Variants in CCDC102B observed in about 807,000 individuals in gnomAD.
The protein encoded by CCDC102B is coiled-coil domain containing 102B.
Under a neutral mutation model 57.4 loss-of-function variants are expected in CCDC102B, and 75 were observed. The observed-to-expected ratio is 1.31, with a 90% CI of 1.08 to 1.58. CCDC102B has a LOEUF of 1.58. CCDC102B is among the 40% of genes most tolerant of loss of function. The pLI, the probability that CCDC102B is intolerant of heterozygous loss-of-function variation, is 0.00. For synonymous variants in CCDC102B, 206 were observed against 201.9 expected (o/e 1.02, Z -0.17); for missense variants, 636 against 582.6 (o/e 1.09, Z -0.94).
intron 7 of CCDC102B, among the ~76,000 whole-genome samples, chr18:69,042,881 T>G (rs1176039591): frequency 6.6e-6 from 1 of 152,082 alleles, no homozygotes; most frequent in Non-Finnish European, 1.5e-5. Flanking sequence ...TCCACACCTG[T>G]GGGTGTTTCT....
intron 1 of CCDC102B, among the ~76,000 whole-genome samples, chr18:68,833,281 G>T (rs2037222030): frequency 6.6e-6 from 1 of 151,738 alleles, no homozygotes; most frequent in Non-Finnish European, 1.5e-5. Flanking sequence ...TAATAGTACT[G>T]ACTATTCCAC....
chr18:68,766,696 A>G (rs2034480692), intron 2 of CCDC102B, among the ~76,000 whole-genome samples: 1 of 152,052 alleles, frequency 6.6e-6, no homozygotes, highest in Admixed American at 6.6e-5. Context: ...TTCATTTTGG[A>G]TACTTTGTTT....
chr18:68,745,168 T>G (rs901657150), intron 2 of CCDC102B, among the ~76,000 whole-genome samples: 2 of 151,950 alleles, frequency 1.3e-5, no homozygotes, highest in African/African-American at 2.4e-5. Context: ...TGAGAAGAAG[T>G]GGGGTGTGCT....
intron 7 of CCDC102B, among the ~76,000 whole-genome samples, chr18:69,033,301 T>C (rs2052197482): frequency 6.6e-6 from 1 of 152,138 alleles, no homozygotes; most frequent in Admixed American, 6.6e-5. Flanking sequence ...TAATACACCA[T>C]ACATTTTGCC....
At chr18:69,040,333 C>T (rs922524195) in intron 7 of CCDC102B, among the ~76,000 whole-genome samples, 2 of 149,904 alleles carry the variant, frequency 1.3e-5, no homozygotes, top group Non-Finnish European at 3.0e-5. Context: ...TTTTTGAATC[C>T]TTGAGGCACA....
intron 6 of CCDC102B, among the ~76,000 whole-genome samples, chr18:68,974,282 C>T (rs1338596843): frequency 1.3e-5 from 2 of 151,918 alleles, no homozygotes; most frequent in Non-Finnish European, 2.9e-5. Context: ...CATGTGAGGA[C>T]CCAGCGTTCC....
chr18:68,967,396 T>C (rs2050191360), intron 6 of CCDC102B, among the ~76,000 whole-genome samples: 1 of 152,166 alleles, frequency 6.6e-6, no homozygotes, highest in Non-Finnish European at 1.5e-5. Flanking sequence ...TTTTAAATAA[T>C]ATGTTTCAAG....
intron 4 of CCDC102B, among the ~76,000 whole-genome samples, chr18:68,872,065 G>C (rs1336230889): frequency 6.6e-6 from 1 of 152,072 alleles, no homozygotes; most frequent in East Asian, 1.9e-4. Context: ...GCATGTGAGA[G>C]AATAAAGAAC....
intron 2 of CCDC102B, among the ~76,000 whole-genome samples, chr18:68,716,941 G>T (rs1329519219): frequency 2.0e-5 from 3 of 152,124 alleles, no homozygotes; most frequent in Non-Finnish European, 4.4e-5. Context: ...AGCTGGGCGT[G>T]GTGGCAGACA....
chr18:68,748,205 G>GGTATGT (rs530957083), intron 2 of CCDC102B, among the ~76,000 whole-genome samples: 13,081 of 137,384 alleles, frequency 0.095, 1,054 homozygotes, highest in East Asian at 0.14. Context: ...TTATTAAACT[G>GGTATGT]GTGTGTGTGT....
chr18:68,988,661 T>C (rs1472108378), intron 6 of CCDC102B, among the ~76,000 whole-genome samples: 1 of 152,176 alleles, frequency 6.6e-6, no homozygotes, highest in East Asian at 1.9e-4. Flanking sequence ...ATGATATGGT[T>C]GAAAGTAAAA....
chr18:68,909,015 A>G (rs995840270), intron 6 of CCDC102B, among the ~76,000 whole-genome samples: 2 of 151,994 alleles, frequency 1.3e-5, no homozygotes, highest in South Asian at 2.1e-4. Context: ...CTTAAACTAG[A>G]CTATCCACAG....
intron 6 of CCDC102B, among the ~76,000 whole-genome samples, chr18:68,971,935 TCCTCCTCTCTATCC>T (rs762568256): frequency 6.6e-6 from 1 of 152,138 alleles, no homozygotes; most frequent in Non-Finnish European, 1.5e-5. Flanking sequence ...TCACTTCATC[TCCTCCTCTCTATCC>T]CCTTCAATGT....
chr18:68,903,528 G>C (rs2040522682), intron 6 of CCDC102B, among the ~76,000 whole-genome samples: 2 of 152,164 alleles, frequency 1.3e-5, no homozygotes, highest in East Asian at 3.8e-4. Context: ...GGCATAAATA[G>C]TATGATCTAT....
intron 6 of CCDC102B, among the ~76,000 whole-genome samples, chr18:68,930,274 A>G: frequency 6.7e-6 from 1 of 149,338 alleles, no homozygotes; most frequent in Non-Finnish European, 1.5e-5. Flanking sequence ...TATATTATAC[A>G]TTATATGCAT....
chr18:68,728,161 AC>A (rs1373166935), intron 2 of CCDC102B, among the ~76,000 whole-genome samples: 1 of 152,154 alleles, frequency 6.6e-6, no homozygotes, highest in African/African-American at 2.4e-5. Context: ...GGCAATGTAT[AC>A]TACTGGACTC....
chr18:68,938,810 T>C (rs1221367379), intron 6 of CCDC102B, among the ~76,000 whole-genome samples: 1 of 151,700 alleles, frequency 6.6e-6, no homozygotes, highest in African/African-American at 2.4e-5. Flanking sequence ...TGGGAGAATA[T>C]AGAATCTATA....
intron 2 of CCDC102B, among the ~76,000 whole-genome samples, chr18:68,784,934 G>T (rs952740076): frequency 2.8e-4 from 42 of 151,148 alleles, no homozygotes; most frequent in African/African-American, 9.5e-4. Context: ...CCACCAACTC[G>T]TCATTTAGCA....
chr18:68,883,653 G>C (rs1259041397), intron 5 of CCDC102B, among the ~76,000 whole-genome samples: 1 of 152,194 alleles, frequency 6.6e-6, no homozygotes, highest in African/African-American at 2.4e-5. Flanking sequence ...CATTGTGCGT[G>C]CAACTGAGGG....
Sources: allele counts gnomAD v4.1 joint callset (sites outside exome capture counted in the v4.1 genomes callset), GRCh38; gene constraint gnomAD v4.1.1; transcripts MANE v1.5; gene names NCBI Gene and HGNC (gene_info 2026-07-23, HGNC 2026-07-21).